The following CNTNAP2 variants were observed in gnomAD, a reference collection of about 807,000 sequenced individuals.
CNTNAP2 encodes contactin-associated protein-like 2.
A neutral mutation model predicts 155.2 loss-of-function variants in CNTNAP2; 98 were observed. That is an observed-to-expected ratio of 0.63 (90% CI 0.54 to 0.75). The LOEUF is 0.75. CNTNAP2 is among the 30% of genes least tolerant of loss of function. CNTNAP2 has a pLI of 0.00. For missense variants in CNTNAP2, 1,727 were observed against 1,688.1 expected (o/e 1.02, Z -0.40); for synonymous variants, 651 against 631.2 (o/e 1.03, Z -0.47).
intron 1 of CNTNAP2, among the ~76,000 whole-genome samples, chr7:146,547,573 T>C (rs912488786): frequency 3.3e-5 from 5 of 151,994 alleles, no homozygotes; most frequent in Admixed American, 6.6e-5. Flanking sequence ...AGAGAAATCA[T>C]GCAGGATTTG....
At chr7:147,919,659 A>T (rs998068272) in intron 14 of CNTNAP2, among the ~76,000 whole-genome samples, 1 of 150,824 alleles carries the variant, frequency 6.6e-6, no homozygotes, top group Non-Finnish European at 1.5e-5. Flanking sequence ...GGGGTTTCAC[A>T]GTGTTCACTA....
chr7:148,053,816 A>G (rs1051099055), intron 15 of CNTNAP2, among the ~76,000 whole-genome samples: 1 of 152,142 alleles, frequency 6.6e-6, no homozygotes, highest in East Asian at 1.9e-4. Flanking sequence ...ATTACTGTAA[A>G]TTGTCTTTTA....
At chr7:147,963,806 A>G (rs1281073917) in intron 14 of CNTNAP2, among the ~76,000 whole-genome samples, 1 of 152,090 alleles carries the variant, frequency 6.6e-6, no homozygotes, top group Non-Finnish European at 1.5e-5. Flanking sequence ...CAGCTTAGGC[A>G]TTGTTACATA....
At chr7:146,728,225 GAATAAT>G (rs1229415031) in intron 1 of CNTNAP2, among the ~76,000 whole-genome samples, 2 of 151,894 alleles carry the variant, frequency 1.3e-5, no homozygotes, top group African/African-American at 4.8e-5. Context: ...AAAATGCATA[GAATAAT>G]AATAATAATA....
At chr7:147,292,385 A>C (rs557505182) in intron 8 of CNTNAP2, among the ~76,000 whole-genome samples, 2 of 152,320 alleles carry the variant, frequency 1.3e-5, no homozygotes, top group South Asian at 4.1e-4. Flanking sequence ...GATGATATAC[A>C]TGTATAATCT....
chr7:147,059,258 A>T (rs1232116904), intron 4 of CNTNAP2, among the ~76,000 whole-genome samples: 1 of 152,164 alleles, frequency 6.6e-6, no homozygotes, highest in African/African-American at 2.4e-5. Context: ...CGATTGCTTT[A>T]GTGGTTGATG....
At chr7:146,933,625 A>C (rs555835871) in intron 3 of CNTNAP2, among the ~76,000 whole-genome samples, 3 of 148,098 alleles carry the variant, frequency 2.0e-5, no homozygotes, top group East Asian at 2.0e-4. Flanking sequence ...GCACAGCAAA[A>C]GAAACTACCA....
intron 19 of CNTNAP2, among the ~76,000 whole-genome samples, chr7:148,226,710 C>A (rs538529180): frequency 6.6e-6 from 1 of 152,214 alleles, no homozygotes; most frequent in Non-Finnish European, 1.5e-5. Flanking sequence ...CCCACGTGCT[C>A]GCAGGCCACT....
At chr7:147,237,142 C>T (rs532773605) in intron 8 of CNTNAP2, among the ~76,000 whole-genome samples, 6 of 147,326 alleles carry the variant, frequency 4.1e-5, no homozygotes, top group African/African-American at 1.3e-4. Flanking sequence ...CTCAGCTCAC[C>T]GCAACCTCAG....
chr7:147,821,586 C>G (rs1798361412), intron 13 of CNTNAP2, among the ~76,000 whole-genome samples: 1 of 152,108 alleles, frequency 6.6e-6, no homozygotes, highest in African/African-American at 2.4e-5. Context: ...TGGAGAAGGT[C>G]TTCCAGTGTG....
At chr7:147,869,667 C>A (rs1367445652) in intron 13 of CNTNAP2, among the ~76,000 whole-genome samples, 1 of 152,122 alleles carries the variant, frequency 6.6e-6, no homozygotes, top group Admixed American at 6.5e-5. Flanking sequence ...GACTCTTGAT[C>A]CGGAGGGATG....
rs549093931 is a variant in CNTNAP2 at position 147,601,715 on chromosome 7, A to G, written c.1898-37391A>G. Among the ~76,000 whole-genome samples the G allele has an allele frequency of 2.0e-5, 3 of 148,974 alleles. 1 individual carries two copies. Among genetic ancestry groups the G allele is most frequent in the African/African-American group, 7.3e-5 (3 of 40,834 alleles). Reference sequence around the variant, plus strand: ...AACATATCTAGAAACAATTAATACAAATTTCTTAATGTCTTTAAATATCCA... The same window carrying G: ...AACATATCTAGAAACAATTAATACAGATTTCTTAATGTCTTTAAATATCCA... On this transcript the variant is annotated intron_variant, in intron 12 of 23. Coordinates refer to ENST00000361727, the MANE Select transcript of CNTNAP2 (RefSeq NM_014141.6).
intron 12 of CNTNAP2, among the ~76,000 whole-genome samples, chr7:147,606,307 T>A (rs1434203954): frequency 6.6e-6 from 1 of 152,188 alleles, no homozygotes; most frequent in African/African-American, 2.4e-5. Context: ...ACAAACAAGA[T>A]AATTTTGATA....
chr7:148,402,142 C>G (rs1799598696), intron 22 of CNTNAP2, among the ~76,000 whole-genome samples: 1 of 152,202 alleles, frequency 6.6e-6, no homozygotes, highest in East Asian at 1.9e-4. Context: ...TTTGTTTATT[C>G]TGTTTCTCTT....
chr7:147,743,468 C>A (rs192292112), intron 13 of CNTNAP2, among the ~76,000 whole-genome samples: 7 of 152,302 alleles, frequency 4.6e-5, no homozygotes, highest in Non-Finnish European at 7.4e-5. Flanking sequence ...TTTCTTTCTC[C>A]TCACAGACTC....
At chr7:146,698,699 C>G (rs1494451) in intron 1 of CNTNAP2, among the ~76,000 whole-genome samples, 15,607 of 152,034 alleles carry the variant, frequency 0.1, 1,951 homozygotes, top group African/African-American at 0.3. Flanking sequence ...TTCTTGGGCT[C>G]TTCCTTCTGT....
chr7:148,414,270 G>C (rs542070299), intron 23 of CNTNAP2, among the ~76,000 whole-genome samples: 4 of 151,958 alleles, frequency 2.6e-5, no homozygotes, highest in East Asian at 3.9e-4. Flanking sequence ...ATAAAAGACC[G>C]GGTTTCACCA....
intron 14 of CNTNAP2, among the ~76,000 whole-genome samples, chr7:147,963,310 C>G (rs945187571): frequency 2.6e-5 from 4 of 152,110 alleles, no homozygotes; most frequent in Non-Finnish European, 5.9e-5. Flanking sequence ...TCAACCATAA[C>G]TGTATTATCC....
rs1282907575 is a variant in CNTNAP2 at position 146,307,084 on chromosome 7, A to G, written c.97+190111A>G. Among the ~76,000 whole-genome samples the G allele has an allele frequency of 2.0e-5, 3 of 152,162 alleles. 1 individual carries two copies. Among genetic ancestry groups the G allele is most frequent in the Non-Finnish European group, 4.4e-5 (3 of 68,024 alleles). ...CATGATTGTATATTTAGAAAACCCC[A>G]TCGTCTCAGCCCAAAATCTCCTTAA... On this transcript the variant is annotated intron_variant, in intron 1 of 23. Transcript: ENST00000361727.
Sources: gnomAD v4.1 joint callset for allele counts (sites outside exome capture counted in the v4.1 genomes callset) on GRCh38, gnomAD v4.1.1 for gene constraint, MANE v1.5 for transcripts, NCBI Gene and HGNC (gene_info 2026-07-23, HGNC 2026-07-21) for gene names.